Variants in SNTG1 observed in about 807,000 individuals in gnomAD.
The protein encoded by SNTG1 is gamma-1-syntrophin.
In SNTG1, 39 loss-of-function variants were observed where a neutral mutation model predicts 74.7. The observed-to-expected ratio is 0.52, with a 90% CI of 0.40 to 0.68. The LOEUF (loss-of-function observed/expected upper bound fraction) is 0.68. SNTG1 is among the 30% of genes least tolerant of loss of function. SNTG1 has a pLI of 0.00. For missense variants in SNTG1, 685 were observed against 609.5 expected (o/e 1.12, Z -1.30); for synonymous variants, 254 against 217.1 (o/e 1.17, Z -1.49).
chr8:50,266,644 TTA>T (rs144778815), intron 2 of SNTG1, among the ~76,000 whole-genome samples: 53,676 of 129,310 alleles, frequency 0.42, 12,700 homozygotes, highest in East Asian at 0.65. Flanking sequence ...AGACACAGAA[TTA>T]TGTGTGTGTG....
chr8:50,631,407 C>T (rs1483699994), intron 13 of SNTG1, among the ~76,000 whole-genome samples: 1 of 152,154 alleles, frequency 6.6e-6, no homozygotes, highest in East Asian at 1.9e-4. Context: ...ATTATAGAGA[C>T]ATGAATCTAG....
At chr8:50,751,575 G>C (rs762144454) in intron 17 of SNTG1, among the ~76,000 whole-genome samples, 2 of 151,974 alleles carry the variant, frequency 1.3e-5, no homozygotes, top group African/African-American at 4.8e-5. Context: ...CACCATGTCA[G>C]TTTTTGTCAT....
rs1001115028 is a variant in SNTG1, at chr8:50,703,328, A to T, written c.1039-1272A>T. On this transcript the variant is annotated intron_variant, in intron 15 of 18. Transcript: ENST00000642720. ...ATTACTTTTTTATTTTTGGCTTTTT[A>T]AAATTTTTATAAAAAATAAGACAGA... Among the ~76,000 whole-genome samples, 22 of 148,350 alleles carry T rather than the reference A, an allele frequency of 1.5e-4. 1 individual carries two copies. The highest frequency in any genetic ancestry group is 1.4e-3 in the Admixed American group (21 of 14,750).
chr8:50,027,551 G>A (rs993358157), intron 1 of SNTG1, among the ~76,000 whole-genome samples: 6 of 152,174 alleles, frequency 3.9e-5, no homozygotes, highest in African/African-American at 1.4e-4. Flanking sequence ...TGACGACAGA[G>A]GCAGAAACAG....
intron 8 of SNTG1, among the ~76,000 whole-genome samples, chr8:50,463,645 T>A (rs555160320): frequency 6.6e-6 from 1 of 152,258 alleles, no homozygotes; most frequent in South Asian, 2.1e-4. Flanking sequence ...CATCTAGGCT[T>A]TGTTATTCTA....
Position 50,629,928 on chromosome 8 carries a change from T to C in SNTG1, c.850-26981T>C, listed in dbSNP as rs16915119. On this transcript the variant is annotated intron_variant, in intron 13 of 18. Transcript: ENST00000642720. Reference sequence around the variant, plus strand: ...GCATAACAGTGCTGCTTCGATATTATAAATACATGTGGCATTAGTACCTAG... The same window carrying C: ...GCATAACAGTGCTGCTTCGATATTACAAATACATGTGGCATTAGTACCTAG... 1.4e-3 allele frequency among the ~76,000 whole-genome samples: 218 copies of C among 152,314 alleles called. 1 individual carries two copies. The highest frequency in any genetic ancestry group is 4.2e-3 in the African/African-American group (175 of 41,594).
intron 13 of SNTG1, among the ~76,000 whole-genome samples, chr8:50,615,828 A>C (rs1346510605): frequency 6.6e-6 from 1 of 152,250 alleles, no homozygotes; most frequent in African/African-American, 2.4e-5. Context: ...GCAAAGATAC[A>C]GGAAAGAGGC....
intron 2 of SNTG1, among the ~76,000 whole-genome samples, chr8:50,355,577 T>C (rs952944905): frequency 6.6e-6 from 1 of 152,202 alleles, no homozygotes; most frequent in Non-Finnish European, 1.5e-5. Flanking sequence ...ATTTTTGTTC[T>C]GCCTTAACAT....
At chr8:50,757,880 A>G (rs998326084) in intron 18 of SNTG1, among the ~76,000 whole-genome samples, 12 of 151,876 alleles carry the variant, frequency 7.9e-5, no homozygotes, top group African/African-American at 1.4e-4. Context: ...AAACCTTGTA[A>G]AATATGTTTA....
In SNTG1 at chr8:50,374,212, T is replaced by G. The variant is rs191177484; in HGVS notation, c.-27-20000T>G. ...AAATCTTAAATTCCCTTTAGGCAAA[T>G]CTTCCTGGTGAATTGACCCTTTTAG... is the stretch of plus-strand genomic sequence containing the variant. On this transcript the variant is annotated intron_variant, in intron 2 of 18. Coordinates refer to ENST00000642720, the MANE Select transcript of SNTG1 (RefSeq NM_018967.5). 1.2e-3 allele frequency among the ~76,000 whole-genome samples: 189 copies of G among 152,338 alleles called. 2 individuals carry two copies. The South Asian group carries it at 0.021, about 17-fold the overall frequency.
chr8:50,753,384 A>T (rs898112767), intron 18 of SNTG1, among the ~76,000 whole-genome samples: 1 of 151,990 alleles, frequency 6.6e-6, no homozygotes, highest in African/African-American at 2.4e-5. Context: ...CACAAATTTT[A>T]ATACTGGTGA....
At chr8:50,007,207 G>A (rs993740144) in intron 1 of SNTG1, among the ~76,000 whole-genome samples, 1 of 152,074 alleles carries the variant, frequency 6.6e-6, no homozygotes, top group Non-Finnish European at 1.5e-5. Flanking sequence ...TTGAGGCTGC[G>A]GGTCAGGAAA....
chr8:50,379,437 C>G (rs565599762), intron 2 of SNTG1, among the ~76,000 whole-genome samples: 53 of 152,230 alleles, frequency 3.5e-4, no homozygotes, highest in Non-Finnish European at 5.9e-4. Context: ...GGGCAGGGCT[C>G]CCTCCTGCTC....
intron 9 of SNTG1, among the ~76,000 whole-genome samples, chr8:50,511,630 T>A (rs1433869681): frequency 1.3e-5 from 2 of 152,244 alleles, no homozygotes; most frequent in Non-Finnish European, 2.9e-5. Context: ...TTAGGATAGT[T>A]AGATCTTCTT....
intron 2 of SNTG1, among the ~76,000 whole-genome samples, chr8:50,246,902 C>T (rs1301403512): frequency 6.6e-6 from 1 of 152,178 alleles, no homozygotes; most frequent in Non-Finnish European, 1.5e-5. Context: ...TGGATTGAAA[C>T]ACTGAAGCCA....
At chr8:49,947,929 G>A (rs1339939384) in intron 1 of SNTG1, among the ~76,000 whole-genome samples, 3 of 152,044 alleles carry the variant, frequency 2.0e-5, no homozygotes, top group African/African-American at 7.2e-5. Context: ...TAAGGAGTTC[G>A]AGAACAGCCT....
intron 18 of SNTG1, among the ~76,000 whole-genome samples, chr8:50,755,269 T>TC (rs1034413146): frequency 1.3e-5 from 2 of 151,476 alleles, no homozygotes; most frequent in African/African-American, 4.8e-5. Flanking sequence ...ACCCCTATCT[T>TC]CCCCCCACCC....
chr8:50,394,122 G>T, intron 2 of SNTG1, 90 bp from the exon 3 acceptor site: 2 of 975,762 alleles, frequency 2.0e-6, no homozygotes, highest in African/African-American at 1.7e-5. Context: ...TTTCCCACAA[G>T]TTCTGCTTCA....
In SNTG1 at chr8:50,208,723, C is replaced by T. The variant is rs149095319; in HGVS notation, c.-28+36088C>T. On this transcript the variant is annotated intron_variant, in intron 2 of 18. Coordinates refer to ENST00000642720, the MANE Select transcript of SNTG1 (RefSeq NM_018967.5). ...ACCAGTCTTTCCTTTCCATGTTTAG[C>T]GCTTCCTTCAGGAGCTTTTGTAAGG... 8.2e-3 allele frequency among the ~76,000 whole-genome samples: 1,241 copies of T among 152,194 alleles called. 18 individuals carry two copies. Among genetic ancestry groups the T allele is most frequent in the African/African-American group, 0.028 (1,169 of 41,526 alleles).
Sources: allele counts gnomAD v4.1 joint callset (sites outside exome capture counted in the v4.1 genomes callset), GRCh38; gene constraint gnomAD v4.1.1; transcripts MANE v1.5; gene names NCBI Gene and HGNC (gene_info 2026-07-23, HGNC 2026-07-21).